THNSL1: variants seen among roughly 807,000 people sequenced by gnomAD.
THNSL1 encodes the protein threonine synthase like 1, also known as threonine synthase-like 1.
THNSL1 carries 48 observed loss-of-function variants against 50.4 expected under a neutral mutation model. That is an observed-to-expected ratio of 0.95 (90% CI 0.76 to 1.21). The LOEUF (loss-of-function observed/expected upper bound fraction) is 1.21. THNSL1 is among the 50% of genes most tolerant of loss of function. The pLI is 0.00. For missense variants in THNSL1, 896 were observed against 871.7 expected (o/e 1.03, Z -0.35); for synonymous variants, 309 against 306.1 (o/e 1.01, Z -0.10).
At chr10:25,014,421 C>A (rs1190568698), upstream of THNSL1, among the ~76,000 whole-genome samples, 1 of 152,006 alleles carries the variant, frequency 6.6e-6, no homozygotes, top group Non-Finnish European at 1.5e-5. Context: ...ATCACTCCAA[C>A]AGCACCAAGA....
the THNSL1 span, among the ~76,000 whole-genome samples, chr10:25,003,468 A>C: frequency 6.6e-6 from 1 of 152,182 alleles, no homozygotes; most frequent in South Asian, 2.1e-4. Flanking sequence ...TGGCCTTCCA[A>C]AGTGCTGGGA....
chr10:25,023,519 T>G lies in THNSL1; in HGVS notation c.296T>G (p.Val99Gly). The G allele has an allele frequency of 5.6e-6, 9 of 1,614,144 alleles. No individual in the cohort carries two copies. Among genetic ancestry groups the G allele is most frequent in the Non-Finnish European group, 7.6e-6 (9 of 1,180,000 alleles). Residue 99 changes from valine (V) to glycine (G), a missense_variant, in exon 3 of 3, where the codon GTG becomes GGG. Coordinates refer to ENST00000376356, the MANE Select transcript of THNSL1 (RefSeq NM_024838.5). ...CTTGAAAAAACCTGGAATATGAGTG[T>G]GTCTGAAAAATTACAGGATGTTGGT... The part of the protein sequence containing the change: ...DILEKTWNMS[V>G]SEKLQDVGNE...
chr10:24,998,815 A>G, the THNSL1 span, among the ~76,000 whole-genome samples: 10 of 152,196 alleles, frequency 6.6e-5, no homozygotes, highest in Non-Finnish European at 1.5e-4. Context: ...TTGATCAAAA[A>G]TTAAAAATTT....
chr10:25,004,175 C>T, the THNSL1 span, among the ~76,000 whole-genome samples: 1 of 152,204 alleles, frequency 6.6e-6, no homozygotes, highest in Non-Finnish European at 1.5e-5. Flanking sequence ...TCCAGTCTAT[C>T]ACTGATGGGC....
chr10:24,980,563 G>A, the THNSL1 span, among the ~76,000 whole-genome samples: 2 of 151,884 alleles, frequency 1.3e-5, no homozygotes, highest in African/African-American at 4.8e-5. Context: ...ACTATTATAT[G>A]CCCAGCAACT....
chr10:24,967,995 ATGTGTGTGTGTGTGTGTG>A, the THNSL1 span, among the ~76,000 whole-genome samples: 1 of 139,678 alleles, frequency 7.2e-6, no homozygotes, highest in South Asian at 2.4e-4. Context: ...TATGTGTATG[ATGTGTGTGTGTGTGTGTG>A]TGTGTGTGTG....
At chr10:25,009,465 C>T in the THNSL1 span, among the ~76,000 whole-genome samples, 3 of 152,116 alleles carry the variant, frequency 2.0e-5, no homozygotes, top group African/African-American at 7.2e-5. Flanking sequence ...TAATAATTTG[C>T]ATGTTGATGT....
chr10:25,015,950 C>G, upstream of THNSL1: 1 of 1,603,900 alleles, frequency 6.2e-7, no homozygotes, highest in Non-Finnish European at 8.5e-7. Context: ...CACCAAATGA[C>G]TCCTTAAAAG....
At chr10:25,020,782 C>G (rs1281834467) in intron 1 of THNSL1, among the ~76,000 whole-genome samples, 1 of 151,704 alleles carries the variant, frequency 6.6e-6, no homozygotes, top group Non-Finnish European at 1.5e-5. Context: ...ACCATCTACT[C>G]AGATTATATA....
intron 1 of THNSL1, among the ~76,000 whole-genome samples, chr10:25,018,129 GCTAAA>G (rs1850645588): frequency 6.6e-6 from 1 of 152,126 alleles, no homozygotes; most frequent in Non-Finnish European, 1.5e-5. Flanking sequence ...TTTAAAAAAT[GCTAAA>G]CAATTTGTGC....
chr10:25,007,706 T>C, the THNSL1 span, among the ~76,000 whole-genome samples: 7 of 152,244 alleles, frequency 4.6e-5, no homozygotes, highest in Admixed American at 2.0e-4. Context: ...AGTGCTGGGA[T>C]TACAGGCTTG....
the THNSL1 span, among the ~76,000 whole-genome samples, chr10:25,004,301 G>T: frequency 6.6e-6 from 1 of 152,144 alleles, no homozygotes. Flanking sequence ...CCAGTTATGG[G>T]ATTGCTGGGT....
At chr10:24,971,644 A>G in the THNSL1 span, among the ~76,000 whole-genome samples, 1 of 152,192 alleles carries the variant, frequency 6.6e-6, no homozygotes, top group Non-Finnish European at 1.5e-5. Flanking sequence ...GCTGGATTTG[A>G]GCCAGATTTT....
chr10:24,991,602 C>A, the THNSL1 span, among the ~76,000 whole-genome samples: 1 of 152,152 alleles, frequency 6.6e-6, no homozygotes, highest in Admixed American at 6.5e-5. Flanking sequence ...AGAGCCCGGG[C>A]CACAGAGCTG....
At chr10:24,984,187 C>G in the THNSL1 span, 1 of 594,678 alleles carries the variant, frequency 1.7e-6, no homozygotes, top group Non-Finnish European at 2.8e-6. Flanking sequence ...TACAGTGTTA[C>G]GAATACTGAA....
At chr10:24,979,610 G>A in the THNSL1 span, among the ~76,000 whole-genome samples, 1 of 152,048 alleles carries the variant, frequency 6.6e-6, no homozygotes, top group African/African-American at 2.4e-5. Flanking sequence ...CAGTTGCTGA[G>A]AGCTTATTCA....
intron 1 of THNSL1, among the ~76,000 whole-genome samples, chr10:25,018,222 C>G (rs1850647918): frequency 1.3e-5 from 2 of 152,112 alleles, no homozygotes; most frequent in South Asian, 2.1e-4. Context: ...TTTCTTTTTT[C>G]TTAGACATTT....
chr10:24,956,160 GT>G, the THNSL1 span, among the ~76,000 whole-genome samples: 1 of 151,712 alleles, frequency 6.6e-6, no homozygotes, highest in East Asian at 1.9e-4. Context: ...TTTATTTGAG[GT>G]TTGGGGGTAC....
Position 25,024,623 on chromosome 10 carries a change from C to T in THNSL1, c.1400C>T (p.Ser467Leu), listed in dbSNP as rs774623515. 42 of 1,614,062 alleles carry T rather than the reference C, an allele frequency of 2.6e-5. No homozygotes were observed. Among genetic ancestry groups the T allele is most frequent in the Admixed American group, 5.0e-5 (3 of 60,000 alleles). ...GTGGAATATGGAACAATCTTAAGTT[C>T]GGCTAACTCCATAAACTGGGGCCGA... ...LTVEYGTILSSANSINWGRLL... is the reference protein window; with the variant it reads ...LTVEYGTILSLANSINWGRLL... The change falls in exon 3 of 3, where the codon TCG (serine) becomes TTG (leucine). Residue 467 changes from serine (S) to leucine (L), a missense_variant. Coordinates refer to ENST00000376356, the MANE Select transcript of THNSL1 (RefSeq NM_024838.5).
Sources: allele counts gnomAD v4.1 joint callset (sites outside exome capture counted in the v4.1 genomes callset), GRCh38; gene constraint gnomAD v4.1.1; transcripts MANE v1.5; gene names NCBI Gene and HGNC (gene_info 2026-07-23, HGNC 2026-07-21).